Variants in FBLN5 observed in about 807,000 individuals in gnomAD.
The protein encoded by FBLN5 is fibulin-5.
FBLN5 carries 24 observed loss-of-function variants against 61.6 expected under a neutral mutation model. That is an observed-to-expected ratio of 0.39 (90% CI 0.28 to 0.55). FBLN5 has a LOEUF of 0.55. Ranked by LOEUF, FBLN5 falls within the 20% of genes least tolerant of loss-of-function variation. The probability of loss-of-function intolerance (pLI) is 0.65; values close to 1 mark genes in which losing one functional copy is unlikely to be tolerated. For synonymous variants in FBLN5, 213 were observed against 219.8 expected (o/e 0.97, Z 0.27); for missense variants, 470 against 594.1 (o/e 0.79, Z 2.17).
At chr14:91,906,699 G>T (rs1490582842) in intron 4 of FBLN5, among the ~76,000 whole-genome samples, 3 of 152,244 alleles carry the variant, frequency 2.0e-5, no homozygotes, top group African/African-American at 7.2e-5. Context: ...TGTCTCCAGT[G>T]AGGAAGGCAG....
At position 91,882,664 on chromosome 14, in the gene FBLN5, G is replaced by C. The variant is rs964845310; in HGVS notation, c.862+290C>G. On this transcript the variant is annotated intron_variant, in intron 8 of 10. Coordinates refer to ENST00000342058, the MANE Select transcript of FBLN5 (RefSeq NM_006329.4). This position sits in a 1 kb window ranked among gnomAD's most constrained non-coding sequence, Gnocchi z 4.9. ...GAGGAGCCTCAGAGATCTGCCTGGG[G>C]AGGCAGAAAGCCACGCTTAGAGGCT... Among the ~76,000 whole-genome samples, 9 of 152,256 alleles carry C rather than the reference G, an allele frequency of 5.9e-5. No homozygotes were observed. Among genetic ancestry groups the C allele is most frequent in the Non-Finnish European group, 1.2e-4 (8 of 68,044 alleles).
At chr14:91,902,423 A>T (rs1890499455) in intron 4 of FBLN5, among the ~76,000 whole-genome samples, 3 of 152,050 alleles carry the variant, frequency 2.0e-5, no homozygotes, top group African/African-American at 7.2e-5. Flanking sequence ...TGGAATCTTT[A>T]GAAGCCAGTA....
At chr14:91,940,469 G>T in intron 3 of FBLN5, 96 bp downstream of exon 3, 1 of 1,011,458 alleles carries the variant, frequency 9.9e-7, no homozygotes, top group Non-Finnish European at 1.5e-6. Flanking sequence ...TCTCCCATGG[G>T]CATGGCTAAT....
intron 10 of FBLN5, among the ~76,000 whole-genome samples, chr14:91,875,653 T>C (rs1008116577): frequency 1.3e-5 from 2 of 152,138 alleles, no homozygotes; most frequent in Non-Finnish European, 2.9e-5. Flanking sequence ...CTTCCAGCCT[T>C]ACCCTTTCTA....
chr14:91,871,244 C>G (rs1205051585), intron 10 of FBLN5, among the ~76,000 whole-genome samples: 2 of 137,330 alleles, frequency 1.5e-5, no homozygotes, highest in Admixed American at 7.3e-5. Context: ...AAAAAGGCAT[C>G]AAAGGCTACT....
chr14:91,909,805 G>A (rs551369065), intron 4 of FBLN5, among the ~76,000 whole-genome samples: 12 of 152,244 alleles, frequency 7.9e-5, no homozygotes, highest in African/African-American at 2.9e-4. Flanking sequence ...TTCAGTTATA[G>A]CAACACCAAA....
At chr14:91,911,498 GGAA>G (rs1156930746) in intron 4 of FBLN5, among the ~76,000 whole-genome samples, 5 of 152,278 alleles carry the variant, frequency 3.3e-5, no homozygotes, top group African/African-American at 1.2e-4. Context: ...AGTAGGAGGA[GGAA>G]GAAGAGGAAG....
chr14:91,910,650 A>T (rs759095939), intron 4 of FBLN5, among the ~76,000 whole-genome samples: 1 of 152,198 alleles, frequency 6.6e-6, no homozygotes, highest in Non-Finnish European at 1.5e-5. Context: ...AAACCCCATA[A>T]AGAAAAGTCC....
At chr14:91,907,657 G>T (rs1890738173) in intron 4 of FBLN5, among the ~76,000 whole-genome samples, 1 of 151,842 alleles carries the variant, frequency 6.6e-6, no homozygotes, top group South Asian at 2.1e-4. Flanking sequence ...GCCAAGCAAA[G>T]GAAGCAAAAG....
chr14:91,906,735 C>T (rs1371559218), intron 4 of FBLN5, among the ~76,000 whole-genome samples: 1 of 152,216 alleles, frequency 6.6e-6, no homozygotes, highest in South Asian at 2.1e-4. Context: ...ACATGTGGGG[C>T]CAACCAGCTG....
At chr14:91,932,624 T>G (rs1269937592) in intron 4 of FBLN5, among the ~76,000 whole-genome samples, 1 of 152,228 alleles carries the variant, frequency 6.6e-6, no homozygotes, top group Non-Finnish European at 1.5e-5. Flanking sequence ...AGATCAAAGA[T>G]GCTACCTGCA....
intron 5 of FBLN5, among the ~76,000 whole-genome samples, chr14:91,892,053 G>A (rs1890018477): frequency 6.6e-6 from 1 of 152,224 alleles, no homozygotes; most frequent in Non-Finnish European, 1.5e-5. Context: ...CCTTGCCAGG[G>A]AAAGCGGCGG....
intron 7 of FBLN5, among the ~76,000 whole-genome samples, chr14:91,884,370 T>C (rs556171058): frequency 6.6e-6 from 1 of 152,340 alleles, no homozygotes; most frequent in East Asian, 1.9e-4. Flanking sequence ...CCATCATAAC[T>C]GACTGTCCTA....
chr14:91,900,763 G>A (rs528588157), intron 4 of FBLN5, among the ~76,000 whole-genome samples: 2 of 152,288 alleles, frequency 1.3e-5, no homozygotes, highest in East Asian at 3.9e-4. Flanking sequence ...TGAATTAACA[G>A]GAGCACAGGT....
intron 4 of FBLN5, among the ~76,000 whole-genome samples, chr14:91,921,712 T>C (rs1251571608): frequency 6.6e-6 from 1 of 152,138 alleles, no homozygotes; most frequent in Admixed American, 6.5e-5. Flanking sequence ...AGTAGGACTC[T>C]CTAAGGGGTG....
chr14:91,877,407 C>T, intron 10 of FBLN5, 80 bp downstream of exon 10: 1 of 1,191,840 alleles, frequency 8.4e-7, no homozygotes, highest in Non-Finnish European at 1.3e-6. Context: ...CTCTTACCTG[C>T]TTGCATACAG....
intron 4 of FBLN5, among the ~76,000 whole-genome samples, chr14:91,935,557 A>G (rs1376701533): frequency 6.6e-6 from 1 of 152,198 alleles, no homozygotes; most frequent in Admixed American, 6.5e-5. Flanking sequence ...TCTACCAGAT[A>G]GGAGAGGTCA....
intron 1 of FBLN5, among the ~76,000 whole-genome samples, chr14:91,944,489 A>G (rs1228652531): frequency 6.6e-6 from 1 of 152,224 alleles, no homozygotes; most frequent in East Asian, 1.9e-4. Flanking sequence ...AGGACTTGAA[A>G]CAGGTATTTG....
intron 4 of FBLN5, among the ~76,000 whole-genome samples, chr14:91,934,481 GAGTTCTAT>G (rs2055980191): frequency 1.3e-5 from 2 of 152,190 alleles, no homozygotes; most frequent in South Asian, 4.1e-4. Flanking sequence ...CCTAGCACAC[GAGTTCTAT>G]CCAAGTGTTT....
Sources: allele counts gnomAD v4.1 joint callset (sites outside exome capture counted in the v4.1 genomes callset), GRCh38; gene constraint gnomAD v4.1.1; non-coding constraint Gnocchi (gnomAD v3.1); transcripts MANE v1.5; gene names NCBI Gene and HGNC (gene_info 2026-07-23, HGNC 2026-07-21).